The following TNFRSF8 variants were observed in gnomAD, a reference collection of about 807,000 sequenced individuals.
TNFRSF8 encodes tumor necrosis factor receptor superfamily member 8.
In TNFRSF8, 26 loss-of-function variants were observed where a neutral mutation model predicts 70.8. The observed-to-expected ratio is 0.37, with a 90% confidence interval of 0.27 to 0.51. The LOEUF (loss-of-function observed/expected upper bound fraction) is 0.51, where lower values mean the gene tolerates loss of function less well. Among genes scored for constraint, TNFRSF8 ranks in the 20% least tolerant of loss-of-function variants. The pLI, the probability that TNFRSF8 is intolerant of heterozygous loss-of-function variation, is 0.94. For missense variants in TNFRSF8, 720 were observed against 807.9 expected, an observed-to-expected ratio of 0.89 and a Z score of 1.32; for synonymous variants, 356 against 339.2, an observed-to-expected ratio of 1.05 and a Z score of -0.54.
At chr1:12,123,519 C>T in intron 9 of TNFRSF8, 142 bp downstream of exon 9, 1 of 951,320 alleles carries the variant, frequency 1.1e-6, no homozygotes, top group African/African-American at 1.7e-5. Context: ...GTGCCCATCT[C>T]TTTGCTGACA....
At chr1:12,115,779 C>T (rs749492353) in intron 8 of TNFRSF8, 50 bp downstream of exon 8, 34 of 1,594,336 alleles carry the variant, frequency 2.1e-5, no homozygotes, top group Admixed American at 3.5e-5. Context: ...GTCTGTGCCC[C>T]CACTGTTGTG....
At chr1:12,139,487 A>G (rs1244623549) in intron 14 of TNFRSF8, among the ~76,000 whole-genome samples, 1 of 151,906 alleles carries the variant, frequency 6.6e-6, no homozygotes, top group Non-Finnish European at 1.5e-5. Flanking sequence ...CCACCATGCT[A>G]TGCTCCCTAA....
chr1:12,100,067 G>T (rs1257133677), intron 3 of TNFRSF8, among the ~76,000 whole-genome samples: 1 of 152,044 alleles, frequency 6.6e-6, no homozygotes, highest in East Asian at 1.9e-4. Flanking sequence ...TACTCAAGAG[G>T]CTGAAGCAGA....
chr1:12,081,981 AC>A (rs1641072148), intron 1 of TNFRSF8, among the ~76,000 whole-genome samples: 1 of 151,380 alleles, frequency 6.6e-6, no homozygotes, highest in Non-Finnish European at 1.5e-5. Context: ...CTCTTGCCTC[AC>A]TTCCTGCTTC....
chr1:12,123,913 C>G (rs1055654585), intron 10 of TNFRSF8, 86 bp downstream of exon 10: 2 of 1,215,834 alleles, frequency 1.6e-6, no homozygotes, highest in Admixed American at 2.1e-5. Context: ...GAGGGAGCTT[C>G]TCCTTTGTGG....
rs1171967723 is a variant in TNFRSF8 at position 12,063,750 on chromosome 1, C to T, written c.63+89C>T. 6.8e-6 allele frequency: 8 copies of T among 1,176,884 alleles called. No individual in the cohort carries two copies. In the East Asian group the frequency reaches 2.6e-4, roughly 38 times the overall value. The allele number at this position is 1,176,884 out of a possible 1,614,324, so 72.9% of individuals were successfully genotyped here. ...GTGGGACGCAAGGGAGGACACTCCT[C>T]ACCCCGTTCCCTGCCCAGCTGGAGT... On this transcript the variant is annotated intron_variant, in intron 1 of 14. Coordinates refer to ENST00000263932, the MANE Select transcript of TNFRSF8 (RefSeq NM_001243.5). This position sits in a 1 kb window ranked among gnomAD's most constrained non-coding sequence, Gnocchi z 7.2.
intron 12 of TNFRSF8, among the ~76,000 whole-genome samples, chr1:12,129,432 C>A (rs603879): frequency 6.6e-6 from 1 of 151,946 alleles, no homozygotes; most frequent in Admixed American, 6.6e-5. Context: ...AATGAATTCT[C>A]AGGCCCTGTT....
At chr1:12,098,477 G>A (rs1445785988) in intron 3 of TNFRSF8, among the ~76,000 whole-genome samples, 1 of 152,122 alleles carries the variant, frequency 6.6e-6, no homozygotes, top group Admixed American at 6.5e-5. Flanking sequence ...TCTGTATAAA[G>A]ATGGGTAGGT....
At chr1:12,139,199 A>G (rs554583705) in intron 14 of TNFRSF8, among the ~76,000 whole-genome samples, 75 of 152,128 alleles carry the variant, frequency 4.9e-4, no homozygotes, top group Non-Finnish European at 1.0e-3. Context: ...CCCATTCCCT[A>G]TGGGATGAAT....
rs1310853066 is a variant in TNFRSF8, at chr1:12,110,607, C to CT, written c.676+411dup. ...TCGACCCTCAGTCATTTTTCTTTTT[C>CT]TTTTTTTTGAGACGGAGTTTCGCTC... On this transcript the variant is annotated intron_variant, in intron 6 of 14. Coordinates refer to ENST00000263932, the MANE Select transcript of TNFRSF8 (RefSeq NM_001243.5). This position sits in a 1 kb window ranked among gnomAD's most constrained non-coding sequence, Gnocchi z 4.0. Among the ~76,000 whole-genome samples the CT allele has an allele frequency of 1.1e-4, 16 of 151,820 alleles. No homozygotes were observed. Among genetic ancestry groups the CT allele is most frequent in the African/African-American group, 3.1e-4 (13 of 41,364 alleles).
intron 12 of TNFRSF8, among the ~76,000 whole-genome samples, chr1:12,128,833 C>T (rs866654858): frequency 1.1e-3 from 118 of 111,728 alleles, no homozygotes; most frequent in Middle Eastern, 6.2e-3. Flanking sequence ...GTCTAAAATT[C>T]TTTTTTTTTT....
At chr1:12,117,762 C>T (rs949714688) in intron 8 of TNFRSF8, among the ~76,000 whole-genome samples, 1 of 152,104 alleles carries the variant, frequency 6.6e-6, no homozygotes, top group Non-Finnish European at 1.5e-5. Flanking sequence ...GGGTGGTGAA[C>T]TCAGGACGTT....
At chr1:12,074,701 T>A (rs142329968) in intron 1 of TNFRSF8, among the ~76,000 whole-genome samples, 2,129 of 152,256 alleles carry the variant, frequency 0.014, 53 homozygotes, top group African/African-American at 0.049. Context: ...AATCAAAGAG[T>A]AAGTAACCAC....
intron 3 of TNFRSF8, among the ~76,000 whole-genome samples, chr1:12,099,380 A>G (rs1641381578): frequency 6.6e-6 from 1 of 152,052 alleles, no homozygotes; most frequent in Non-Finnish European, 1.5e-5. Flanking sequence ...CCTGACCTCA[A>G]GTGATCCAGC....
intron 12 of TNFRSF8, among the ~76,000 whole-genome samples, chr1:12,135,256 C>T (rs1642123563): frequency 7.3e-6 from 1 of 137,678 alleles, no homozygotes; most frequent in Non-Finnish European, 1.5e-5. Context: ...GCGGAGGTTA[C>T]ATTGAGCCGA....
chr1:12,136,769 C>T (rs915292215), intron 13 of TNFRSF8, among the ~76,000 whole-genome samples: 3 of 151,694 alleles, frequency 2.0e-5, no homozygotes, highest in Non-Finnish European at 4.4e-5. Flanking sequence ...CTGGTTTAAC[C>T]CTTCTGATAG....
intron 8 of TNFRSF8, among the ~76,000 whole-genome samples, chr1:12,116,098 C>G (rs1641724506): frequency 6.6e-6 from 1 of 152,176 alleles, no homozygotes; most frequent in African/African-American, 2.4e-5. Context: ...TCTCCTGCCT[C>G]AGCCTTCTGA....
chr1:12,119,227 A>G lies in TNFRSF8; in HGVS notation c.946+3498A>G, dbSNP rs1641787730. ...CACCTTGATGTGGCTCTCCCAATGC[A>G]GACATTGGCACGTGCCAGGCCTCAT... is the stretch of plus-strand genomic sequence containing the variant. On this transcript the variant is annotated intron_variant, in intron 8 of 14. Transcript: ENST00000263932. The surrounding 1 kb of genome is among the most constrained non-coding windows in gnomAD (Gnocchi z 4.4). Among the ~76,000 whole-genome samples the G allele has an allele frequency of 6.6e-6, 1 of 152,146 alleles. No individual in the cohort carries two copies. Among genetic ancestry groups the G allele is most frequent in the Admixed American group, 6.5e-5 (1 of 15,274 alleles).
chr1:12,120,822 A>G (rs1003407690), intron 8 of TNFRSF8, among the ~76,000 whole-genome samples: 2 of 152,226 alleles, frequency 1.3e-5, no homozygotes, highest in African/African-American at 4.8e-5. Context: ...TCACTGACTC[A>G]GGGAGGAAGA....
Sources: gnomAD v4.1 joint callset for allele counts (sites outside exome capture counted in the v4.1 genomes callset) on GRCh38, gnomAD v4.1.1 for gene constraint, Gnocchi (gnomAD v3.1) non-coding constraint, MANE v1.5 for transcripts, NCBI Gene and HGNC (gene_info 2026-07-23, HGNC 2026-07-21) for gene names.